HDGFL1: variants seen among roughly 807,000 people sequenced by gnomAD.
The protein encoded by HDGFL1 is hepatoma-derived growth factor-like protein 1.
For missense variants in HDGFL1, 422 were observed against 365.3 expected (o/e 1.16, Z -1.27); for synonymous variants, 190 against 165.1 (o/e 1.15, Z -1.16).
chr6:22,569,906 GC>G, the HDGFL1 span: 1 of 1,559,350 alleles, frequency 6.4e-7, no homozygotes. Flanking sequence ...GGAGCCCGAG[GC>G]CGCAGAGGGC....
rs1760891697 is a variant in HDGFL1, at chr6:22,570,093, C to T, written c.518C>T (p.Ala173Val). 2.6e-6 allele frequency: 4 copies of T among 1,537,022 alleles called. No individual in the cohort carries two copies. Among genetic ancestry groups the T allele is most frequent in the Middle Eastern group, 2.3e-4 (1 of 4,362 alleles). ...CCCGACCAAGAGGAGGAGGCGGAGG[C>T]GGAGAGGGCGGCGGAAGCGGAGAGG... ...AAPDQEEEAE[A>V]ERAAEAERAA... The change falls in exon 1 of 1, where the codon GCG becomes GTG. Residue 173 changes from alanine to valine, a missense_variant. Coordinates refer to ENST00000510882, the MANE Select transcript of HDGFL1 (RefSeq NM_138574.4).
rs904429927 is a variant in HDGFL1, at chr6:22,570,702, A to G, written c.*371A>G. Reference sequence around the variant, plus strand: ...GTTCAGGCAGGCTGTTTTCACCTCTAGACACCCCTCTCCACCCCTCCTGCT... The same window carrying G: ...GTTCAGGCAGGCTGTTTTCACCTCTGGACACCCCTCTCCACCCCTCCTGCT... On this transcript the variant is annotated 3_prime_UTR_variant, in exon 1 of 1. Transcript: ENST00000510882. 1 of 231,370 alleles carries G rather than the reference A, an allele frequency of 4.3e-6. No individual in the cohort carries two copies. Among genetic ancestry groups the G allele is most frequent in the African/African-American group, 2.4e-5 (1 of 42,012 alleles). The allele number at this position is 231,370 out of a possible 1,614,324, so 14.3% of individuals were successfully genotyped here.
chr6:22,569,701 C>T lies in HDGFL1; in HGVS notation c.126C>T (p.Phe42=), dbSNP rs759388435. 1 of 1,614,204 alleles carries T rather than the reference C, an allele frequency of 6.2e-7. No individual in the cohort carries two copies. The highest frequency in any genetic ancestry group is 2.2e-5 in the East Asian group (1 of 44,820). Residue 42 remains phenylalanine (F), a synonymous_variant, in exon 1 of 1, where the codon TTC becomes TTT. Transcript: ENST00000510882. ...AGCCCAACCGCTACCAGGTGTTTTT[C>T]TTCGGGACCCACGAGACGGCCTTCC... is the stretch of plus-strand genomic sequence containing the variant. ...MTQPNRYQVF[F]FGTHETAFLS... is the part of the protein sequence containing the mutation.
chr6:22,571,532 A>C lies in HDGFL1; in HGVS notation c.*1201A>C, dbSNP rs960798193. ...ATGGTCATTATGCCTTTCTCCATCT[A>C]TTGTCTCTTTCACCCCTTCCCCTCT... On this transcript the variant is annotated 3_prime_UTR_variant, in exon 1 of 1. Transcript: ENST00000510882. 1.3e-4 allele frequency: 21 copies of C among 166,964 alleles called. No homozygotes were observed. The highest frequency in any genetic ancestry group is 4.3e-4 in the African/African-American group (18 of 41,382). 10.3% of individuals were successfully genotyped at this position (166,964 alleles called of 1,614,324 possible).
In HDGFL1 at chr6:22,569,921, G is replaced by A; in HGVS notation, c.346G>A (p.Glu116Lys). 1.3e-6 allele frequency: 2 copies of A among 1,555,066 alleles called. No homozygotes were observed. Among genetic ancestry groups the A allele is most frequent in the Non-Finnish European group, 1.7e-6 (2 of 1,149,892 alleles). ...WPEPEAAEGD[E>K]DKPTHAGGGG... Reference sequence around the variant, plus strand: ...GGAGCCCGAGGCCGCAGAGGGCGACGAGGACAAGCCGACCCACGCTGGTGG... The same window carrying A: ...GGAGCCCGAGGCCGCAGAGGGCGACAAGGACAAGCCGACCCACGCTGGTGG... Residue 116 changes from glutamate to lysine, a missense_variant, in exon 1 of 1, where the codon GAG becomes AAG. Physicochemically the swap from Glu to Lys is moderately conservative, Grantham distance 56. Transcript: ENST00000510882.
At position 22,569,994 on chromosome 6, in the gene HDGFL1, A is replaced by C. The variant is rs761600808; in HGVS notation, c.419A>C (p.Glu140Ala). The C allele has an allele frequency of 6.5e-7, 1 of 1,548,634 alleles. No homozygotes were observed. The highest frequency in any genetic ancestry group is 8.7e-7 in the Non-Finnish European group (1 of 1,146,890). The change falls in exon 1 of 1, where the codon GAG (glutamate) becomes GCG (alanine). Residue 140 changes from glutamate to alanine, a missense_variant. Glu to Ala is a moderately radical substitution (Grantham distance 107, BLOSUM62 -1). Transcript: ENST00000510882. ...CCGGACGACGACAAGCCCACTGAGG[A>C]GGAGAAGGGGCCGCTGAAGAGGAGC... ...GKPDDDKPTE[E>A]EKGPLKRSAG...
chr6:22,570,654 C>T lies in HDGFL1; in HGVS notation c.*323C>T, dbSNP rs1170460753. The T allele has an allele frequency of 3.1e-6, 1 of 318,440 alleles. No individual in the cohort carries two copies. Among genetic ancestry groups the T allele is most frequent in the East Asian group, 5.2e-5 (1 of 19,194 alleles). The allele number at this position is 318,440 out of a possible 1,614,324, so 19.7% of individuals were successfully genotyped here. Reference sequence around the variant, plus strand: ...CCACCCCACCCCCGCCCACTCGTTGCCTGATTCCGTTTCCGACTTGGGGTT... The same window carrying T: ...CCACCCCACCCCCGCCCACTCGTTGTCTGATTCCGTTTCCGACTTGGGGTT... On this transcript the variant is annotated 3_prime_UTR_variant, in exon 1 of 1. Coordinates refer to ENST00000510882, the MANE Select transcript of HDGFL1 (RefSeq NM_138574.4).
rs1760877005 is a variant in HDGFL1 at position 22,569,577 on chromosome 6, T to TGTC, written c.4_6dup (p.Ser2dup). On this transcript the variant is annotated inframe_insertion, in exon 1 of 1. Transcript: ENST00000510882. ...CAGGCGGGGTCCGCAGAACCAGCTA[T>TGTC]GTCGGCCTACGGCATGCCCATGTAC... 1.2e-5 allele frequency: 19 copies of TGTC among 1,611,864 alleles called. No individual in the cohort carries two copies. The highest frequency in any genetic ancestry group is 1.6e-5 in the Non-Finnish European group (19 of 1,178,508).
Position 22,570,540 on chromosome 6 carries a change from C to A in HDGFL1, c.*209C>A. ...GCCCCCACGCCTCTGTGATCTGAGT[C>A]AGGGCCTCAGTTCCCTCCCTGGGAT... is the stretch of plus-strand genomic sequence containing the variant. On this transcript the variant is annotated 3_prime_UTR_variant, in exon 1 of 1. Coordinates refer to ENST00000510882, the MANE Select transcript of HDGFL1 (RefSeq NM_138574.4). The A allele has an allele frequency of 2.3e-6, 1 of 435,278 alleles. No individual in the cohort carries two copies. The highest frequency in any genetic ancestry group is 4.1e-6 in the Non-Finnish European group (1 of 245,152). The allele number at this position is 435,278 out of a possible 1,614,324, so 27.0% of individuals were successfully genotyped here.
Position 22,569,951 on chromosome 6 carries a change from G to A in HDGFL1, c.376G>A (p.Gly126Ser), listed in dbSNP as rs1166207322. The change falls in exon 1 of 1, where the codon GGC becomes AGC. Residue 126 changes from glycine (G) to serine (S), a missense_variant. Transcript: ENST00000510882. ...EDKPTHAGGG[G>S]DELGKPDDDK... ...CAAGCCGACCCACGCTGGTGGCGGC[G>A]GCGACGAATTGGGGAAGCCGGACGA... The A allele has an allele frequency of 1.3e-6, 2 of 1,551,476 alleles. No individual in the cohort carries two copies. The highest frequency in any genetic ancestry group is 2.0e-5 in the Admixed American group (1 of 51,184).
In HDGFL1 at chr6:22,570,461, C is replaced by G; in HGVS notation, c.*130C>G. On this transcript the variant is annotated 3_prime_UTR_variant, in exon 1 of 1. Transcript: ENST00000510882. ...TCAGCCCGTCCTCCTCCAACCCGCGCTCCTTTGCCCTGCCGGGCCCCAGGA... is the reference window on the plus strand; with the variant it reads ...TCAGCCCGTCCTCCTCCAACCCGCGGTCCTTTGCCCTGCCGGGCCCCAGGA... The G allele has an allele frequency of 1.0e-6, 1 of 982,358 alleles. No homozygotes were observed. 60.9% of individuals were successfully genotyped at this position (982,358 alleles called of 1,614,324 possible).
Position 22,570,173 on chromosome 6 carries a change from G to C in HDGFL1, c.598G>C (p.Ala200Pro), listed in dbSNP as rs754460515. Residue 200 changes from alanine to proline, a missense_variant, in exon 1 of 1, where the codon GCG becomes CCG. Physicochemically the swap from Ala to Pro is conservative, Grantham distance 27. Transcript: ENST00000510882. ...AVDEESPFLV[A>P]VENGSAPSEP... is the part of the protein sequence containing the mutation. The stretch of plus-strand genomic sequence containing the variant: ...CGACGAGGAGAGTCCGTTCCTCGTG[G>C]CGGTGGAGAACGGCAGCGCCCCTAG... 6.4e-7 allele frequency: 1 copy of C among 1,561,590 alleles called. No homozygotes were observed. The highest frequency in any genetic ancestry group is 8.6e-7 in the Non-Finnish European group (1 of 1,157,298).
In HDGFL1 at chr6:22,570,061, G is replaced by A. The variant is rs1760890527; in HGVS notation, c.486G>A (p.Glu162=). 6.5e-7 allele frequency: 1 copy of A among 1,545,234 alleles called. No homozygotes were observed. Among genetic ancestry groups the A allele is most frequent in the Non-Finnish European group, 8.7e-7 (1 of 1,145,244 alleles). The part of the protein sequence containing the change: ...PPEDAPKRPK[E]AAPDQEEEAE... Reference sequence around the variant, plus strand: ...AGGACGCCCCCAAACGACCCAAGGAGGCAGCCCCCGACCAAGAGGAGGAGG... The same window carrying A: ...AGGACGCCCCCAAACGACCCAAGGAAGCAGCCCCCGACCAAGAGGAGGAGG... Residue 162 remains glutamate, a synonymous_variant, in exon 1 of 1, where the codon GAG becomes GAA. Coordinates refer to ENST00000510882, the MANE Select transcript of HDGFL1 (RefSeq NM_138574.4).
rs536582109 is a variant in HDGFL1 at position 22,570,117 on chromosome 6, GGGCGGC to G, written c.559_564del (p.Ala187_Ala188del). On this transcript the variant is annotated inframe_deletion, in exon 1 of 1. Transcript: ENST00000510882. ...GCGGAGAGGGCGGCGGAAGCGGAGAGGGCGGCGGCGGCGGCGGCGGCGACGGCCGTC... is the reference window on the plus strand; with the variant it reads ...GCGGAGAGGGCGGCGGAAGCGGAGAGGGCGGCGGCGGCGGCGACGGCCGTC... 138 of 1,529,926 alleles carry G rather than the reference GGGCGGC, an allele frequency of 9.0e-5. 1 individual carries two copies. Among genetic ancestry groups the G allele is most frequent in the Admixed American group, 6.3e-4 (29 of 46,126 alleles). The allele number at this position is 1,529,926 out of a possible 1,614,324, so 94.8% of individuals were successfully genotyped here.
chr6:22,571,452 A>G lies in HDGFL1; in HGVS notation c.*1121A>G, dbSNP rs944497719. The G allele has an allele frequency of 6.0e-6, 1 of 167,112 alleles. No individual in the cohort carries two copies. The highest frequency in any genetic ancestry group is 6.5e-5 in the Admixed American group (1 of 15,288). The allele number at this position is 167,112 out of a possible 1,614,324, so 10.4% of individuals were successfully genotyped here. A position where few individuals can be genotyped will look rare whatever the true frequency, so the allele number is the denominator to read the frequency against. ...ATCACCTGGTCCCATCAACAGGTCTAGTATGTAGCTCACTGATAACAGAGG... is the reference window on the plus strand; with the variant it reads ...ATCACCTGGTCCCATCAACAGGTCTGGTATGTAGCTCACTGATAACAGAGG... On this transcript the variant is annotated 3_prime_UTR_variant, in exon 1 of 1. Coordinates refer to ENST00000510882, the MANE Select transcript of HDGFL1 (RefSeq NM_138574.4).
Position 22,569,877 on chromosome 6 carries a change from G to A in HDGFL1, c.302G>A (p.Ser101Asn). 1 of 1,580,350 alleles carries A rather than the reference G, an allele frequency of 6.3e-7. No homozygotes were observed. Among genetic ancestry groups the A allele is most frequent in the Non-Finnish European group, 8.6e-7 (1 of 1,163,482 alleles). ...TGCCCATTAGCCTCAGAGAAGGGCAGCGGAGACGGGCCTTGGCCGGAGCCC... is the reference window on the plus strand; with the variant it reads ...TGCCCATTAGCCTCAGAGAAGGGCAACGGAGACGGGCCTTGGCCGGAGCCC... ...SDCPLASEKG[S>N]GDGPWPEPEA... Residue 101 changes from serine to asparagine, a missense_variant, in exon 1 of 1, where the codon AGC becomes AAC. Physicochemically the swap from Ser to Asn is conservative, Grantham distance 46 (BLOSUM62 1). Coordinates refer to ENST00000510882, the MANE Select transcript of HDGFL1 (RefSeq NM_138574.4).
rs1467591036 is a variant in HDGFL1 at position 22,570,291 on chromosome 6, A to T, written c.716A>T (p.His239Leu). The change falls in exon 1 of 1, where the codon CAT becomes CTT. Residue 239 changes from histidine to leucine, a missense_variant. His to Leu is a moderately conservative substitution (Grantham distance 99). Transcript: ENST00000510882. ...GACGAGGAGGCCTCCCAGGAGTGGC[A>T]TGCCGAGGCACCGGGCGGCGGAGAT... ...VADEEASQEW[H>L]AEAPGGGDRD... The T allele has an allele frequency of 6.6e-7, 1 of 1,507,290 alleles. No individual in the cohort carries two copies. Among genetic ancestry groups the T allele is most frequent in the Non-Finnish European group, 8.8e-7 (1 of 1,134,114 alleles). 93.4% of individuals were successfully genotyped at this position (1,507,290 alleles called of 1,614,324 possible).
In HDGFL1 at chr6:22,570,328, G is replaced by A; in HGVS notation, c.753G>A (p.Leu251=). 1 of 1,461,158 alleles carries A rather than the reference G, an allele frequency of 6.8e-7. No homozygotes were observed. Among genetic ancestry groups the A allele is most frequent in the Non-Finnish European group, 9.0e-7 (1 of 1,107,706 alleles). The allele number at this position is 1,461,158 out of a possible 1,614,324, so 90.5% of individuals were successfully genotyped here. A position where few individuals can be genotyped will look rare whatever the true frequency, so the allele number is the denominator to read the frequency against. ...CGGGCGGCGGAGATCGCGACAGCCT[G>A]TAGTTACCAGCGTTTCCAGAAGAGC... ...EAPGGGDRDS[L] The change falls in exon 1 of 1, where the codon CTG becomes CTA. Residue 251 remains leucine (L), a synonymous_variant. Transcript: ENST00000510882.
chr6:22,570,582 C>G lies in HDGFL1; in HGVS notation c.*251C>G, dbSNP rs1760907876. 1 of 406,568 alleles carries G rather than the reference C, an allele frequency of 2.5e-6. No individual in the cohort carries two copies. Among genetic ancestry groups the G allele is most frequent in the Non-Finnish European group, 4.5e-6 (1 of 223,708 alleles). The allele number at this position is 406,568 out of a possible 1,614,324, so 25.2% of individuals were successfully genotyped here. ...CCCTGGGATAAAGTGAGGCCACCAT[C>G]CCAGCTTCCGGCTCCCTCTTCTCCC... On this transcript the variant is annotated 3_prime_UTR_variant, in exon 1 of 1. Coordinates refer to ENST00000510882, the MANE Select transcript of HDGFL1 (RefSeq NM_138574.4).
Sources: allele counts gnomAD v4.1 joint callset, GRCh38; gene constraint gnomAD v4.1.1; transcripts MANE v1.5; gene names NCBI Gene and HGNC (gene_info 2026-07-23, HGNC 2026-07-21).